ISY1: variants seen among roughly 807,000 people sequenced by gnomAD.
ISY1 encodes pre-mRNA-splicing factor ISY1 homolog.
A neutral mutation model predicts 54.4 loss-of-function variants in ISY1; 12 were observed. That is an observed-to-expected ratio of 0.22 (90% CI 0.14 to 0.36). ISY1 has a LOEUF of 0.36. ISY1 is among the 10% of genes least tolerant of loss of function. The pLI, the probability that ISY1 is intolerant of heterozygous loss-of-function variation, is 1.00. For missense variants in ISY1, 282 were observed against 342.2 expected (o/e 0.82, Z 1.39); for synonymous variants, 96 against 117.9 (o/e 0.81, Z 1.20).
At chr3:129,141,655 A>G (rs1936620663) in intron 6 of ISY1, among the ~76,000 whole-genome samples, 1 of 150,914 alleles carries the variant, frequency 6.6e-6, no homozygotes, top group African/African-American at 2.4e-5. Flanking sequence ...TCAGGAGGCT[A>G]AGGCAGGAGA....
chr3:129,147,361 G>A (rs1016383261), intron 5 of ISY1, among the ~76,000 whole-genome samples: 8 of 151,744 alleles, frequency 5.3e-5, no homozygotes, highest in South Asian at 2.1e-4. Context: ...TGGGTGACAG[G>A]GCAAGACTGT....
At chr3:129,132,630 T>C (rs1261905354) in intron 9 of ISY1, among the ~76,000 whole-genome samples, 3 of 152,206 alleles carry the variant, frequency 2.0e-5, no homozygotes, top group Non-Finnish European at 4.4e-5. Context: ...CCAGGCTCTA[T>C]TGAGGGACTG....
At chr3:129,136,861 G>C (rs1936417754) in intron 7 of ISY1, among the ~76,000 whole-genome samples, 2 of 129,066 alleles carry the variant, frequency 1.5e-5, no homozygotes, top group African/African-American at 2.9e-5. Context: ...AGCTAATTTT[G>C]TATTTTCTTC....
intron 7 of ISY1, among the ~76,000 whole-genome samples, chr3:129,135,762 T>C (rs1312359282): frequency 6.8e-6 from 1 of 148,078 alleles, no homozygotes; most frequent in African/African-American, 2.5e-5. Flanking sequence ...CGAGACTCCA[T>C]CTCAAAAAAA....
intron 8 of ISY1, 129 bp from the exon 9 acceptor site, chr3:129,134,324 GC>G (rs1936328607): frequency 6.7e-7 from 1 of 1,502,800 alleles, no homozygotes; most frequent in South Asian, 1.3e-5. Context: ...CCTTCATTCT[GC>G]CCCCGTGGGT....
intron 1 of ISY1, among the ~76,000 whole-genome samples, chr3:129,160,550 T>C (rs879264295): frequency 1.4e-4 from 21 of 152,120 alleles, no homozygotes; most frequent in Admixed American, 4.6e-4. Context: ...ACCCTCGTGA[T>C]GTCTGTATAT....
At chr3:129,152,749 T>A (rs1358572597) in intron 5 of ISY1, among the ~76,000 whole-genome samples, 1 of 152,156 alleles carries the variant, frequency 6.6e-6, no homozygotes, top group African/African-American at 2.4e-5. Flanking sequence ...TTAAAGATTT[T>A]TGTCTATATT....
chr3:129,141,225 AT>A (rs1936600537), intron 6 of ISY1, among the ~76,000 whole-genome samples: 2 of 149,230 alleles, frequency 1.3e-5, no homozygotes, highest in African/African-American at 2.5e-5. Context: ...AAATAAATAA[AT>A]AAATAAAAAA....
At chr3:129,153,742 T>G (rs771876742) in intron 5 of ISY1, among the ~76,000 whole-genome samples, 5 of 151,962 alleles carry the variant, frequency 3.3e-5, no homozygotes, top group Non-Finnish European at 7.4e-5. Context: ...GCCAAGATCA[T>G]GCCACTGCAC....
At chr3:129,144,646 A>T (rs563794380) in intron 6 of ISY1, among the ~76,000 whole-genome samples, 7 of 152,292 alleles carry the variant, frequency 4.6e-5, no homozygotes, top group Middle Eastern at 3.4e-3. Context: ...TAAAAACCAA[A>T]ATAGAACAGA....
intron 7 of ISY1, among the ~76,000 whole-genome samples, chr3:129,139,722 A>G (rs1936550758): frequency 6.6e-6 from 1 of 151,474 alleles, no homozygotes. Flanking sequence ...GGCTCACCGC[A>G]ACCTCCACCC....
At chr3:129,156,000 C>T (rs960433801) in intron 5 of ISY1, among the ~76,000 whole-genome samples, 4 of 151,970 alleles carry the variant, frequency 2.6e-5, no homozygotes, top group Non-Finnish European at 5.9e-5. Context: ...GGATTACAGG[C>T]GTGAGCTACT....
Position 129,130,062 on chromosome 3 carries a change from G to T in ISY1, c.*19C>A. 6.4e-7 allele frequency: 1 copy of T among 1,556,818 alleles called. No homozygotes were observed. Among genetic ancestry groups the T allele is most frequent in the Non-Finnish European group, 8.6e-7 (1 of 1,156,262 alleles). On this transcript the variant is annotated 3_prime_UTR_variant, in exon 11 of 11. Coordinates refer to ENST00000393295, the MANE Select transcript of ISY1 (RefSeq NM_020701.4). ...CCACTGGGGGATGGAAGAACTCCAA[G>T]GAGAGCCCCAGCTGGGTCCTAATAC...
At chr3:129,157,477 G>T (rs1004758591) in intron 3 of ISY1, among the ~76,000 whole-genome samples, 1 of 152,076 alleles carries the variant, frequency 6.6e-6, no homozygotes, top group African/African-American at 2.4e-5. Context: ...TTCCCACTTT[G>T]GGAGGTCAAG....
At chr3:129,159,896 T>C (rs984541528) in intron 1 of ISY1, among the ~76,000 whole-genome samples, 2 of 152,160 alleles carry the variant, frequency 1.3e-5, no homozygotes, top group Non-Finnish European at 2.9e-5. Context: ...CTCAGCAAAA[T>C]CGAGTTCAAT....
rs1238371595 is a variant in ISY1, at chr3:129,149,616, T to A, written c.188-3743A>T. Among the ~76,000 whole-genome samples the A allele has an allele frequency of 3.8e-4, 26 of 68,300 alleles. 1 individual carries two copies. The highest frequency in any genetic ancestry group is 9.0e-4 in the East Asian group (2 of 2,220). 44.8% of individuals were successfully genotyped at this position (68,300 alleles called of 152,430 possible). A position where few individuals can be genotyped will look rare whatever the true frequency, so the allele number is the denominator to read the frequency against. On this transcript the variant is annotated intron_variant, in intron 5 of 10. Transcript: ENST00000393295. The stretch of plus-strand genomic sequence containing the variant: ...AAAAAAAAAAAAAAAAAAAAATATA[T>A]ATATATATATATATATATATACACA...
At chr3:129,160,918 G>GGCCCCGGGGGGGGGGGGGGGGCCC in intron 1 of ISY1, 55 bp downstream of exon 1, 1 of 666,128 alleles carries the variant, frequency 1.5e-6, no homozygotes, top group Non-Finnish European at 2.7e-6. Flanking sequence ...TGGACTGGGC[G>GGCCCCGGGGGGGGGGGGGGGGCCC]CCCCCCCGCC....
At chr3:129,149,673 T>G (rs1936893844) in intron 5 of ISY1, among the ~76,000 whole-genome samples, 1 of 122,088 alleles carries the variant, frequency 8.2e-6, no homozygotes, top group Non-Finnish European at 1.7e-5. Flanking sequence ...TGGCACACAC[T>G]TGTAGTCCCA....
intron 5 of ISY1, among the ~76,000 whole-genome samples, chr3:129,153,167 G>A (rs1393474239): frequency 6.6e-6 from 1 of 151,924 alleles, no homozygotes; most frequent in Non-Finnish European, 1.5e-5. Context: ...GCGTCACCAT[G>A]CCTGGCTAAT....
Sources: allele counts gnomAD v4.1 joint callset (sites outside exome capture counted in the v4.1 genomes callset), GRCh38; gene constraint gnomAD v4.1.1; transcripts MANE v1.5; gene names NCBI Gene and HGNC (gene_info 2026-07-23, HGNC 2026-07-21).